CCT2: variants seen among roughly 807,000 people sequenced by gnomAD.
The protein encoded by CCT2 is T-complex protein 1 subunit beta.
Under a neutral mutation model 61.8 loss-of-function variants are expected in CCT2, and 18 were observed. The ratio of observed to expected loss-of-function variants is 0.29; its 90% CI spans 0.20 to 0.43. The LOEUF is 0.43. Ranked by LOEUF, CCT2 falls within the 20% of genes least tolerant of loss-of-function variation. CCT2 has a pLI of 1.00. For missense variants in CCT2, 556 were observed against 656.9 expected (o/e 0.85, Z 1.68); for synonymous variants, 248 against 215.9 (o/e 1.15, Z -1.30).
In CCT2 at chr12:69,597,965, T is replaced by C. The variant is rs1882039538; in HGVS notation, c.1232-3T>C. The C allele has an allele frequency of 2.5e-6, 4 of 1,610,840 alleles. No homozygotes were observed. The South Asian group carries it at 4.4e-5, about 18-fold the overall frequency. On this transcript the variant is annotated splice_polypyrimidine_tract_variant and splice_region_variant and intron_variant, in intron 12 of 15. Transcript: ENST00000299300. ...AATATTTTATTGGAATTTTAATCTT[T>C]AGGCTGTTCTGAGATGTTGATGGCT...
chr12:69,586,895 A>T (rs1881681396), intron 3 of CCT2, 77 bp downstream of exon 3: 1 of 884,004 alleles, frequency 1.1e-6, no homozygotes, highest in East Asian at 2.7e-5. Context: ...AAGCGTATTA[A>T]AATGCTTTTT....
At chr12:69,586,683 TA>T in intron 2 of CCT2, 69 bp from the exon 3 acceptor site, 1 of 1,107,542 alleles carries the variant, frequency 9.0e-7, no homozygotes, top group Non-Finnish European at 1.3e-6. Context: ...AAAAAAAAAG[TA>T]AATAAAGATA....
intron 7 of CCT2, 200 bp downstream of exon 7, chr12:69,589,887 C>G: frequency 3.4e-6 from 2 of 579,800 alleles, no homozygotes; most frequent in Non-Finnish European, 6.1e-6. Context: ...TTGATGATCT[C>G]TAGAGTTTAC....
At chr12:69,597,083 C>A in intron 10 of CCT2, 73 bp from the exon 11 acceptor site, 1 of 1,375,740 alleles carries the variant, frequency 7.3e-7, no homozygotes. Context: ...CATTATCTAT[C>A]CATTACTGCT....
At chr12:69,597,899 A>G in intron 12 of CCT2, 69 bp from the exon 13 acceptor site, 6 of 1,450,800 alleles carry the variant, frequency 4.1e-6, no homozygotes, top group Non-Finnish European at 5.7e-6. Context: ...GGCATATCTT[A>G]AAGTCAGTAA....
intron 5 of CCT2, 23 bp from the exon 6 acceptor site, chr12:69,588,127 T>C (rs373501255): frequency 3.8e-5 from 61 of 1,590,428 alleles, no homozygotes; most frequent in East Asian, 2.5e-4. Context: ...TTTATAACTT[T>C]TGTTTTATAA....
Position 69,589,480 on chromosome 12 carries a change from T to A in CCT2, c.447-5T>A. ...TAATATGTATATTTGGTTGGTTTTA[T>A]TTAGTTCCGATGAAGTTAAATTCCG... On this transcript the variant is annotated splice_polypyrimidine_tract_variant and splice_region_variant and intron_variant, in intron 6 of 15. Transcript: ENST00000299300. 1 of 1,612,652 alleles carries A rather than the reference T, an allele frequency of 6.2e-7. No homozygotes were observed. The highest frequency in any genetic ancestry group is 2.2e-5 in the East Asian group (1 of 44,866).
chr12:69,595,206 GT>G (rs1000669405), intron 10 of CCT2, among the ~76,000 whole-genome samples: 1 of 151,848 alleles, frequency 6.6e-6, no homozygotes, highest in Non-Finnish European at 1.5e-5. Flanking sequence ...CTCTTAAGAC[GT>G]TTTTTTTAAT....
At chr12:69,585,663 G>T (rs1881624610) in intron 1 of CCT2, 139 bp downstream of exon 1, 4 of 1,528,064 alleles carry the variant, frequency 2.6e-6, no homozygotes, top group African/African-American at 1.4e-5. Context: ...AGCCATGCGC[G>T]GGGCGTGCGG....
intron 3 of CCT2, 139 bp from the exon 4 acceptor site, chr12:69,587,366 G>T: frequency 1.8e-6 from 1 of 570,572 alleles, no homozygotes. Context: ...TGTATGTATT[G>T]AAAACATTTG....
At chr12:69,601,178 T>C in intron 15 of CCT2, 117 bp from the exon 16 acceptor site, 1 of 819,108 alleles carries the variant, frequency 1.2e-6, no homozygotes, top group Non-Finnish European at 1.9e-6. Context: ...ATGCAAACCA[T>C]TGCAGAGTTA....
In CCT2 at chr12:69,598,053, T is replaced by C. The variant is rs376042508; in HGVS notation, c.1317T>C (p.Tyr439=). 38 of 1,611,920 alleles carry C rather than the reference T, an allele frequency of 2.4e-5. No individual in the cohort carries two copies. The highest frequency in any genetic ancestry group is 1.3e-4 in the Admixed American group (8 of 59,960). The change falls in exon 13 of 16, where the codon TAT becomes TAC. Residue 439 remains tyrosine, a synonymous_variant. Coordinates refer to ENST00000299300, the MANE Select transcript of CCT2 (RefSeq NM_006431.3). ...AAGAAGCTGTTGCAATGGAGTCTTA[T>C]GCTAAAGCACTGAGAATGGTAAGTT... ...PGKEAVAMES[Y]AKALRMLPTI...
chr12:69,596,997 C>T (rs1882009169), intron 10 of CCT2, among the ~76,000 whole-genome samples, 159 bp from the exon 11 acceptor site: 1 of 151,914 alleles, frequency 6.6e-6, no homozygotes, highest in Non-Finnish European at 1.5e-5. Context: ...AATAATTAGT[C>T]GATATGAAGT....
chr12:69,598,831 A>G (rs1356942255), intron 14 of CCT2, among the ~76,000 whole-genome samples: 2 of 152,196 alleles, frequency 1.3e-5, no homozygotes, highest in African/African-American at 2.4e-5. Flanking sequence ...AAAGTGGCCA[A>G]TGAGGCAGAT....
chr12:69,592,281 G>A, intron 8 of CCT2, 122 bp downstream of exon 8: 1 of 531,356 alleles, frequency 1.9e-6, no homozygotes. Flanking sequence ...TTTGAGACCA[G>A]CCTGACCAAC....
chr12:69,592,269 A>G, intron 8 of CCT2, 110 bp downstream of exon 8: 1 of 581,810 alleles, frequency 1.7e-6, no homozygotes, highest in East Asian at 2.8e-5. Context: ...TGAGATCAGA[A>G]GTTTGAGACC....
chr12:69,600,120 A>T (rs886987625), intron 15 of CCT2, 116 bp downstream of exon 15: 1 of 974,522 alleles, frequency 1.0e-6, no homozygotes, highest in Non-Finnish European at 1.5e-6. Context: ...GGATAAAAGT[A>T]TGTAAGTTAT....
At chr12:69,591,260 T>A (rs1393524477) in intron 7 of CCT2, among the ~76,000 whole-genome samples, 3 of 152,064 alleles carry the variant, frequency 2.0e-5, no homozygotes, top group Non-Finnish European at 4.4e-5. Flanking sequence ...AAAAAAGGCC[T>A]AGAAAGGTAG....
At chr12:69,591,857 A>G (rs1881843494) in intron 7 of CCT2, among the ~76,000 whole-genome samples, 1 of 150,732 alleles carries the variant, frequency 6.6e-6, no homozygotes, top group African/African-American at 2.4e-5. Flanking sequence ...CATGGCTTTC[A>G]GGCGCTAAAA....
Sources: allele counts gnomAD v4.1 joint callset (sites outside exome capture counted in the v4.1 genomes callset), GRCh38; gene constraint gnomAD v4.1.1; transcripts MANE v1.5; gene names NCBI Gene and HGNC (gene_info 2026-07-23, HGNC 2026-07-21).